NXN: variants seen among roughly 807,000 people sequenced by gnomAD.
NXN encodes the protein nucleoredoxin 1.
In NXN, 16 loss-of-function variants were observed where a neutral mutation model predicts 48.6. The observed-to-expected ratio is 0.33, with a 90% CI of 0.22 to 0.50. The LOEUF (loss-of-function observed/expected upper bound fraction) is 0.50. Ranked by LOEUF, NXN falls within the 20% of genes least tolerant of loss-of-function variation. The pLI is 0.98. For missense variants in NXN, 492 were observed against 605.5 expected (o/e 0.81, Z 1.97); for synonymous variants, 281 against 269.6 (o/e 1.04, Z -0.41).
intron 3 of NXN, 22 bp from the exon 4 acceptor site, chr17:822,479 C>A: frequency 6.4e-7 from 1 of 1,571,086 alleles, no homozygotes; most frequent in African/African-American, 1.3e-5. Context: ...GACAGCAAGA[C>A]CCGCTGCGTC....
intron 5 of NXN, 70 bp downstream of exon 5, chr17:819,369 C>A (rs1250055477): frequency 2.4e-5 from 26 of 1,070,566 alleles, no homozygotes; most frequent in Non-Finnish European, 3.8e-5. Context: ...TAAAGGAAAG[C>A]CAAAGACACG....
intron 1 of NXN, among the ~76,000 whole-genome samples, chr17:861,121 C>T (rs745688056): frequency 1.3e-5 from 2 of 150,520 alleles, no homozygotes; most frequent in Admixed American, 6.6e-5. Context: ...TTTTAAAACA[C>T]ATTTAAATTT....
intron 1 of NXN, among the ~76,000 whole-genome samples, chr17:948,661 T>C (rs1413058135): frequency 6.6e-6 from 1 of 151,950 alleles, no homozygotes; most frequent in Admixed American, 6.6e-5. Context: ...GAACAAACGC[T>C]TGAGGCAAAA....
In NXN at chr17:825,911, G is replaced by T. The variant is rs1167151842; in HGVS notation, c.478+50C>A. 1.7e-6 allele frequency: 2 copies of T among 1,183,038 alleles called. No individual in the cohort carries two copies. The highest frequency in any genetic ancestry group is 2.7e-5 in the South Asian group (2 of 73,836). The allele number at this position is 1,183,038 out of a possible 1,614,324, so 73.3% of individuals were successfully genotyped here. On this transcript the variant is annotated intron_variant, in intron 2 of 7. Coordinates refer to ENST00000336868, the MANE Select transcript of NXN (RefSeq NM_022463.5). The surrounding 1 kb of genome is among the most constrained non-coding windows in gnomAD (Gnocchi z 4.1). ...CGGAGATTAGCCTAAGGGCATGGAGGAGGGAGGGCTGGGTAATAAGAGGAC... is the reference window on the plus strand; with the variant it reads ...CGGAGATTAGCCTAAGGGCATGGAGTAGGGAGGGCTGGGTAATAAGAGGAC...
chr17:852,555 C>A (rs900471088), intron 1 of NXN, among the ~76,000 whole-genome samples: 3 of 152,194 alleles, frequency 2.0e-5, no homozygotes, highest in Non-Finnish European at 4.4e-5. Flanking sequence ...ACTTCCTTTC[C>A]TTTCCAGCTC....
chr17:863,871 C>G (rs558264991), intron 1 of NXN: 2 of 1,143,702 alleles, frequency 1.7e-6, no homozygotes, highest in Non-Finnish European at 2.5e-6. Context: ...AGGGAAAAAA[C>G]ATACCCACTG....
chr17:960,646 C>G (rs1392392487), intron 1 of NXN, among the ~76,000 whole-genome samples: 2 of 151,924 alleles, frequency 1.3e-5, no homozygotes, highest in Non-Finnish European at 2.9e-5. Flanking sequence ...CCTGGCTAAT[C>G]ATTTTATTTT....
intron 6 of NXN, 48 bp downstream of exon 6, chr17:805,020 T>TGCC: frequency 2.0e-6 from 3 of 1,512,858 alleles, no homozygotes; most frequent in Non-Finnish European, 1.8e-6. Flanking sequence ...GCCCCTCCTG[T>TGCC]CCCGCCCCCC....
At chr17:851,545 C>T (rs748850316) in intron 1 of NXN, among the ~76,000 whole-genome samples, 11 of 152,238 alleles carry the variant, frequency 7.2e-5, no homozygotes, top group Non-Finnish European at 1.2e-4. Context: ...TTCCGCTGCA[C>T]ACTGGGAGAA....
chr17:824,173 G>A (rs1435737562), intron 2 of NXN, among the ~76,000 whole-genome samples: 1 of 152,000 alleles, frequency 6.6e-6, no homozygotes, highest in African/African-American at 2.4e-5. Context: ...CCAAGTAGCT[G>A]GGACTACAGG....
At chr17:824,927 C>T (rs1159170914) in intron 2 of NXN, among the ~76,000 whole-genome samples, 3 of 151,984 alleles carry the variant, frequency 2.0e-5, no homozygotes, top group Admixed American at 2.0e-4. Flanking sequence ...CTCTGGAGGT[C>T]GGGCTCGGGA....
chr17:841,573 GAGCA>G lies in NXN; in HGVS notation c.361-15499_361-15496del, dbSNP rs1567827940. Among the ~76,000 whole-genome samples, 36 of 128,622 alleles carry G rather than the reference GAGCA, an allele frequency of 2.8e-4. 9 individuals carry two copies. The highest frequency in any genetic ancestry group is 1.0e-3 in the African/African-American group (32 of 31,602). 84.4% of individuals were successfully genotyped at this position (128,622 alleles called of 152,430 possible). ...GGCGAGCAGGTCCCCCCTGACCACG[GAGCA>G]TCTCACGCCGGCGAGCAGGTCCCCC... On this transcript the variant is annotated intron_variant, in intron 1 of 7. Transcript: ENST00000336868.
intron 1 of NXN, among the ~76,000 whole-genome samples, chr17:832,767 T>G (rs1913558419): frequency 6.6e-6 from 1 of 152,128 alleles, no homozygotes; most frequent in South Asian, 2.1e-4. Context: ...CCTTTCTGGT[T>G]GCATCTCAGG....
chr17:956,832 C>T lies in NXN; in HGVS notation c.360+22487G>A, dbSNP rs2069176289. Among the ~76,000 whole-genome samples the T allele has an allele frequency of 6.6e-6, 1 of 152,194 alleles. No individual in the cohort carries two copies. The highest frequency in any genetic ancestry group is 2.1e-4 in the South Asian group (1 of 4,828). ...GGGGTTAAAGTAACTTGCCCAAGAT[C>T]TCAAAGCTGGAGAGCGGGAAAGATG... On this transcript the variant is annotated intron_variant, in intron 1 of 7. Transcript: ENST00000336868. The surrounding 1 kb of genome is among the most constrained non-coding windows in gnomAD (Gnocchi z 4.1).
rs573540743 is a variant in NXN at position 956,013 on chromosome 17, C to T, written c.360+23306G>A. On this transcript the variant is annotated intron_variant, in intron 1 of 7. Transcript: ENST00000336868. The surrounding 1 kb of genome is among the most constrained non-coding windows in gnomAD (Gnocchi z 4.1). ...GCCTCCTCCCTGAGCCTCAGTTTCC[C>T]TGCCTGTCAAAGAAGACTGTGGCCA... Among the ~76,000 whole-genome samples, 5 of 151,962 alleles carry T rather than the reference C, an allele frequency of 3.3e-5. No homozygotes were observed. The highest frequency in any genetic ancestry group is 7.4e-5 in the Non-Finnish European group (5 of 68,012).
intron 1 of NXN, among the ~76,000 whole-genome samples, chr17:922,311 C>A (rs918557586): frequency 1.6e-4 from 24 of 151,926 alleles, no homozygotes; most frequent in Non-Finnish European, 2.9e-4. Context: ...TGGTGGCGGG[C>A]ACCTGTAGTC....
At chr17:836,333 T>C (rs941961816) in intron 1 of NXN, among the ~76,000 whole-genome samples, 1 of 152,190 alleles carries the variant, frequency 6.6e-6, no homozygotes, top group African/African-American at 2.4e-5. Flanking sequence ...CCAACGCAGA[T>C]GTAGGATTCA....
intron 1 of NXN, among the ~76,000 whole-genome samples, chr17:858,642 G>A (rs1414875753): frequency 2.0e-5 from 3 of 151,950 alleles, no homozygotes; most frequent in Non-Finnish European, 4.4e-5. Context: ...ACAGCAGCCT[G>A]TGTGTGAACC....
intron 5 of NXN, among the ~76,000 whole-genome samples, chr17:810,125 G>GTGGTGTGCACGTTACGAGTCCGTGTGAC (rs1911871071): frequency 8.4e-6 from 1 of 118,928 alleles, no homozygotes; most frequent in African/African-American, 3.3e-5. Flanking sequence ...GTCCGTGTGA[G>GTGGTGTGCACGTTACGAGTCCGTGTGAC]TGGCGTGCAC....
Sources: allele counts gnomAD v4.1 joint callset (sites outside exome capture counted in the v4.1 genomes callset), GRCh38; gene constraint gnomAD v4.1.1; non-coding constraint Gnocchi (gnomAD v3.1); transcripts MANE v1.5; gene names NCBI Gene and HGNC (gene_info 2026-07-23, HGNC 2026-07-21).